The following EYS variants were observed in gnomAD, a reference collection of about 807,000 sequenced individuals.
The protein encoded by EYS is EGF-like photoreceptor maintenance factor, also known as protein eyes shut homolog.
In EYS, 250 loss-of-function variants were observed where a neutral mutation model predicts 282.1. The ratio of observed to expected loss-of-function variants is 0.89; its 90% CI spans 0.80 to 0.98. The LOEUF (loss-of-function observed/expected upper bound fraction) is 0.98. Among genes scored for constraint, EYS ranks in the 50% least tolerant of loss-of-function variants. EYS has a pLI of 0.00. For missense variants in EYS, 4,016 were observed against 3,709.0 expected (o/e 1.08, Z -2.15); for synonymous variants, 1,355 against 1,282.9 (o/e 1.06, Z -1.20).
chr6:63,913,295 T>C (rs550335258), intron 35 of EYS, among the ~76,000 whole-genome samples: 29 of 152,352 alleles, frequency 1.9e-4, no homozygotes, highest in African/African-American at 6.7e-4. Context: ...AAAACTGACA[T>C]GTGAACTGTT....
chr6:64,558,344 T>A (rs571076687), intron 26 of EYS, among the ~76,000 whole-genome samples: 2 of 152,220 alleles, frequency 1.3e-5, no homozygotes, highest in African/African-American at 4.8e-5. Context: ...TTCATTGGCA[T>A]AATTCTAGTG....
rs115932373 is a variant in EYS at position 65,389,075 on chromosome 6, A to T, written c.1185-4575T>A. Reference sequence around the variant, plus strand: ...TATACTGTAATTACTATAATAGCTTATTAACAGGTCTCTTTGCATGTGCCC... The same window carrying T: ...TATACTGTAATTACTATAATAGCTTTTTAACAGGTCTCTTTGCATGTGCCC... On this transcript the variant is annotated intron_variant, in intron 7 of 42. Transcript: ENST00000503581. Among the ~76,000 whole-genome samples the T allele has an allele frequency of 2.5e-3, 388 of 152,242 alleles. 1 individual carries two copies. The highest frequency in any genetic ancestry group is 0.01 in the Middle Eastern group (3 of 294).
chr6:65,143,644 T>C (rs1338091141), intron 12 of EYS, among the ~76,000 whole-genome samples: 1 of 152,092 alleles, frequency 6.6e-6, no homozygotes, highest in Non-Finnish European at 1.5e-5. Flanking sequence ...AATTTACGGT[T>C]TTGTTATCCT....
chr6:65,464,695 C>A (rs1764938684), intron 5 of EYS, among the ~76,000 whole-genome samples: 1 of 152,100 alleles, frequency 6.6e-6, no homozygotes, highest in Non-Finnish European at 1.5e-5. Flanking sequence ...TATGATACTC[C>A]AAGTGAGCAT....
chr6:64,546,563 C>A (rs1764876864), intron 26 of EYS, among the ~76,000 whole-genome samples: 1 of 152,108 alleles, frequency 6.6e-6, no homozygotes, highest in Non-Finnish European at 1.5e-5. Context: ...GCAAAAGAAA[C>A]CACCATCAGA....
intron 39 of EYS, among the ~76,000 whole-genome samples, chr6:63,780,191 A>G (rs1276655346): frequency 6.6e-6 from 1 of 152,214 alleles, no homozygotes; most frequent in Non-Finnish European, 1.5e-5. Flanking sequence ...TATTGTGAAT[A>G]GTGCTGCAAT....
intron 22 of EYS, among the ~76,000 whole-genome samples, chr6:64,751,139 T>G (rs533010297): frequency 1.0e-3 from 156 of 152,294 alleles, no homozygotes; most frequent in African/African-American, 3.4e-3. Context: ...TGCCCCTCCC[T>G]TCCCATGCAA....
chr6:64,990,866 G>T (rs1771039330), intron 14 of EYS, among the ~76,000 whole-genome samples: 1 of 151,546 alleles, frequency 6.6e-6, no homozygotes, highest in African/African-American at 2.4e-5. Flanking sequence ...GAATCAACAA[G>T]TCTTTTTCTC....
Position 64,388,704 on chromosome 6 carries a change from G to A in EYS, c.6064C>T (p.His2022Tyr). Residue 2022 changes from histidine (H) to tyrosine (Y), a missense_variant, in exon 29 of 43, where the codon CAT becomes TAT. Transcript: ENST00000503581. ...TATAGAAATACCTGGATTTTCCCAT[G>A]AAGGTCTGGAAATCCACCAATGAAG... is the stretch of plus-strand genomic sequence containing the variant. The part of the protein sequence containing the change: ...SVFIGGFPDL[H>Y]GKIQMPVPVK... 1.3e-6 allele frequency: 2 copies of A among 1,533,194 alleles called. No homozygotes were observed. The highest frequency in any genetic ancestry group is 1.8e-6 in the Non-Finnish European group (2 of 1,139,204). 95.0% of individuals were successfully genotyped at this position (1,533,194 alleles called of 1,614,324 possible).
At chr6:65,602,877 T>C (rs1308473354) in intron 2 of EYS, among the ~76,000 whole-genome samples, 1 of 151,930 alleles carries the variant, frequency 6.6e-6, no homozygotes, top group African/African-American at 2.4e-5. Flanking sequence ...CAGTTTTAAT[T>C]TACATTTGTT....
intron 22 of EYS, among the ~76,000 whole-genome samples, chr6:64,681,091 C>T (rs1390656970): frequency 6.6e-6 from 1 of 152,166 alleles, no homozygotes; most frequent in East Asian, 1.9e-4. Context: ...TAAAACATAT[C>T]TCAAATACTA....
At chr6:64,641,216 T>C (rs531623363) in intron 22 of EYS, among the ~76,000 whole-genome samples, 1 of 152,304 alleles carries the variant, frequency 6.6e-6, no homozygotes, top group Admixed American at 6.5e-5. Flanking sequence ...AGCAAGTCCC[T>C]TCTTGCACAG....
At chr6:63,882,098 T>C (rs1043151790) in intron 35 of EYS, among the ~76,000 whole-genome samples, 3 of 152,200 alleles carry the variant, frequency 2.0e-5, no homozygotes, top group African/African-American at 7.2e-5. Flanking sequence ...ATATCTAAAA[T>C]CAAGTTATCT....
chr6:64,961,529 G>A (rs1208684160), intron 14 of EYS, among the ~76,000 whole-genome samples: 2 of 151,828 alleles, frequency 1.3e-5, no homozygotes, highest in Non-Finnish European at 2.9e-5. Flanking sequence ...ATCTGTGTGT[G>A]TATAATTCCT....
chr6:65,367,196 T>C (rs1764944933), intron 8 of EYS, among the ~76,000 whole-genome samples: 1 of 151,658 alleles, frequency 6.6e-6, no homozygotes, highest in Non-Finnish European at 1.5e-5. Flanking sequence ...TCCCAAATAT[T>C]TGTGAAACTC....
intron 22 of EYS, among the ~76,000 whole-genome samples, chr6:64,667,201 A>G (rs1442339201): frequency 6.7e-6 from 1 of 149,076 alleles, no homozygotes; most frequent in East Asian, 1.9e-4. Context: ...ATATAATAAT[A>G]TAAAATATAT....
At chr6:65,701,585 A>G (rs1052716153) in intron 1 of EYS, among the ~76,000 whole-genome samples, 1 of 151,848 alleles carries the variant, frequency 6.6e-6, no homozygotes, top group Non-Finnish European at 1.5e-5. Context: ...AGTCTAAAAT[A>G]CCCTCCCAGG....
At chr6:65,159,358 G>A (rs1475800345) in intron 12 of EYS, among the ~76,000 whole-genome samples, 2 of 150,768 alleles carry the variant, frequency 1.3e-5, no homozygotes, top group Non-Finnish European at 3.0e-5. Flanking sequence ...GAGTGCTCTA[G>A]GTATGTCATA....
intron 37 of EYS, chr6:63,797,168 A>G (rs1025929369): frequency 5.9e-5 from 9 of 152,206 alleles, no homozygotes; most frequent in African/African-American, 1.9e-4. Context: ...AGATGAACCT[A>G]ATTGAGTTTC....
Sources: allele counts gnomAD v4.1 joint callset (sites outside exome capture counted in the v4.1 genomes callset), GRCh38; gene constraint gnomAD v4.1.1; transcripts MANE v1.5; gene names NCBI Gene and HGNC (gene_info 2026-07-23, HGNC 2026-07-21).